Variants in NRXN1 observed in about 807,000 individuals in gnomAD.
NRXN1 encodes neurexin 1.
Under a neutral mutation model 150.9 loss-of-function variants are expected in NRXN1, and 39 were observed. The ratio of observed to expected loss-of-function variants is 0.26; its 90% confidence interval spans 0.20 to 0.34. The LOEUF is 0.34. Among genes scored for constraint, NRXN1 ranks in the 10% least tolerant of loss-of-function variants. The pLI is 1.00. For synonymous variants in NRXN1, 924 were observed against 757.0 expected, an observed-to-expected ratio of 1.22 and a Z score of -3.62; for missense variants, 1,815 against 1,949.9, an observed-to-expected ratio of 0.93 and a Z score of 1.30.
intron 18 of NRXN1, among the ~76,000 whole-genome samples, chr2:50,165,248 A>T (rs1327439315): frequency 6.6e-6 from 1 of 152,226 alleles, no homozygotes; most frequent in Non-Finnish European, 1.5e-5. Context: ...TGGAGGAGTG[A>T]GGGACATTAG....
At chr2:50,848,076 C>T (rs1673948721) in intron 5 of NRXN1, among the ~76,000 whole-genome samples, 1 of 152,146 alleles carries the variant, frequency 6.6e-6, no homozygotes, top group Non-Finnish European at 1.5e-5. Flanking sequence ...AGACGGCAAA[C>T]TAAGAGAGCA....
At chr2:50,790,370 T>G (rs1185128738) in intron 5 of NRXN1, among the ~76,000 whole-genome samples, 1 of 152,152 alleles carries the variant, frequency 6.6e-6, no homozygotes, top group Non-Finnish European at 1.5e-5. Context: ...AGTCTTTCCT[T>G]TCCTCAGGCA....
At chr2:50,151,185 C>G (rs2152772428) in intron 18 of NRXN1, among the ~76,000 whole-genome samples, 1 of 151,810 alleles carries the variant, frequency 6.6e-6, no homozygotes, top group Non-Finnish European at 1.5e-5. Flanking sequence ...CTGGACTTCA[C>G]CACTCTTCTT....
At chr2:50,457,428 G>T (rs535038255) in intron 17 of NRXN1, among the ~76,000 whole-genome samples, 2 of 152,120 alleles carry the variant, frequency 1.3e-5, no homozygotes, top group African/African-American at 2.4e-5. Flanking sequence ...GAAGGCAGAC[G>T]CATTCAAGTT....
rs751861007 is a variant in NRXN1 at position 50,964,886 on chromosome 2, G to A, written c.773-38931C>T. On this transcript the variant is annotated intron_variant, in intron 2 of 22. Transcript: ENST00000401669. ...GCTCAATATTCTTTTTAAATCAGGG[G>A]AGTGAAATATGAAAGTAGGCAACAT... Among the ~76,000 whole-genome samples, 39 of 151,472 alleles carry A rather than the reference G, an allele frequency of 2.6e-4. 1 individual carries two copies. Among genetic ancestry groups the A allele is most frequent in the Middle Eastern group, 3.4e-3 (1 of 294 alleles).
intron 5 of NRXN1, among the ~76,000 whole-genome samples, chr2:50,745,180 G>C (rs1338072225): frequency 1.3e-5 from 2 of 152,024 alleles, no homozygotes; most frequent in Non-Finnish European, 2.9e-5. Context: ...ATACAATAAA[G>C]TTGATAATAG....
chr2:50,626,318 G>A (rs944157440), intron 5 of NRXN1, among the ~76,000 whole-genome samples: 4 of 151,516 alleles, frequency 2.6e-5, no homozygotes, highest in East Asian at 1.9e-4. Flanking sequence ...GAAAAAAAAA[G>A]AGTCCCAAAT....
intron 17 of NRXN1, among the ~76,000 whole-genome samples, chr2:50,362,820 A>G (rs2079318251): frequency 6.6e-6 from 1 of 152,246 alleles, no homozygotes; most frequent in African/African-American, 2.4e-5. Context: ...AGCTAGAGGC[A>G]TCACGCTACC....
intron 16 of NRXN1, among the ~76,000 whole-genome samples, chr2:50,470,375 A>C (rs765222855): frequency 7.9e-5 from 12 of 151,742 alleles, no homozygotes; most frequent in Non-Finnish European, 1.6e-4. Flanking sequence ...TTATGCCAAA[A>C]TATCAAATAA....
At chr2:49,952,012 A>T (rs1359250038) in intron 21 of NRXN1, among the ~76,000 whole-genome samples, 1 of 152,020 alleles carries the variant, frequency 6.6e-6, no homozygotes, top group African/African-American at 2.4e-5. Flanking sequence ...ACTGAGTCAG[A>T]TCTTAGAGAT....
intron 5 of NRXN1, among the ~76,000 whole-genome samples, chr2:50,753,943 T>G (rs1700890048): frequency 7.5e-6 from 1 of 132,676 alleles, no homozygotes; most frequent in South Asian, 2.9e-4. Flanking sequence ...TTTCAATAAA[T>G]TCATCATGAC....
intron 21 of NRXN1, among the ~76,000 whole-genome samples, chr2:49,961,229 C>T (rs957746232): frequency 5.9e-5 from 9 of 151,900 alleles, no homozygotes; most frequent in South Asian, 2.1e-4. Flanking sequence ...CCTTCACAAA[C>T]GCATTATTAG....
chr2:50,277,134 G>T (rs1476464875), intron 17 of NRXN1, among the ~76,000 whole-genome samples: 2 of 151,922 alleles, frequency 1.3e-5, no homozygotes, highest in African/African-American at 4.8e-5. Context: ...TAAATAAATG[G>T]AGTTTAAAAC....
At chr2:50,139,717 T>A (rs1427812409) in intron 18 of NRXN1, among the ~76,000 whole-genome samples, 1 of 152,296 alleles carries the variant, frequency 6.6e-6, no homozygotes, top group African/African-American at 2.4e-5. Context: ...CAGATGTAAT[T>A]GGAAATGTTA....
At chr2:50,453,759 A>C (rs183385885) in intron 17 of NRXN1, among the ~76,000 whole-genome samples, 1 of 152,292 alleles carries the variant, frequency 6.6e-6, no homozygotes, top group Admixed American at 6.5e-5. Context: ...TTCTTCAGGG[A>C]CACTGGAGGA....
intron 21 of NRXN1, among the ~76,000 whole-genome samples, chr2:49,965,543 C>T (rs1676822181): frequency 6.6e-6 from 1 of 152,148 alleles, no homozygotes; most frequent in African/African-American, 2.4e-5. Context: ...GCTGGGATTA[C>T]AGGTGTGAGC....
intron 19 of NRXN1, among the ~76,000 whole-genome samples, chr2:50,077,366 G>C (rs1697272147): frequency 6.6e-6 from 1 of 152,080 alleles, no homozygotes; most frequent in East Asian, 1.9e-4. Context: ...CATTCTATTT[G>C]AACTCCATTT....
chr2:50,102,635 A>G (rs1161937750), intron 18 of NRXN1, among the ~76,000 whole-genome samples: 2 of 152,062 alleles, frequency 1.3e-5, no homozygotes, highest in African/African-American at 4.8e-5. Context: ...AAGTTTCAAG[A>G]AGGCAAAGAG....
intron 5 of NRXN1, among the ~76,000 whole-genome samples, chr2:50,809,907 T>C (rs1432948863): frequency 6.6e-6 from 1 of 152,204 alleles, no homozygotes; most frequent in African/African-American, 2.4e-5. Context: ...GGCATACCTG[T>C]CAATTTTCTA....
Sources: allele counts gnomAD v4.1 joint callset (sites outside exome capture counted in the v4.1 genomes callset), GRCh38; gene constraint gnomAD v4.1.1; transcripts MANE v1.5; gene names NCBI Gene and HGNC (gene_info 2026-07-23, HGNC 2026-07-21).